Variants in TPM3 observed in about 807,000 individuals in gnomAD.
TPM3 encodes tropomyosin alpha-3 chain.
Under a neutral mutation model 43.1 loss-of-function variants are expected in TPM3, and 16 were observed. The ratio of observed to expected loss-of-function variants is 0.37; its 90% CI spans 0.25 to 0.56. TPM3 has a LOEUF of 0.56. TPM3 is among the 20% of genes least tolerant of loss of function. TPM3 has a pLI of 0.77. For missense variants in TPM3, 176 were observed against 337.2 expected (o/e 0.52, Z 3.74); for synonymous variants, 101 against 116.9 (o/e 0.86, Z 0.88).
Position 154,171,422 on chromosome 1 carries a change from C to A in TPM3, c.633G>T (p.Gln211His). The change falls in exon 6 of 10, where the codon CAG becomes CAT. Residue 211 changes from glutamine (Q) to histidine (H), a missense_variant. Physicochemically the swap from Gln to His is conservative, Grantham distance 24 (BLOSUM62 0). This residue lies in a region of TPM3 where 53 missense variants were observed against 98.3 expected (regional missense o/e 0.54). Coordinates refer to ENST00000651641, the MANE Select transcript of TPM3 (RefSeq NM_152263.4). Reference protein sequence around the residue: ...VTNNLKSLEAQAEKYSQKEDK... With the variant: ...VTNNLKSLEAHAEKYSQKEDK... The stretch of plus-strand genomic sequence containing the variant: ...ACAAACCAGCCCCTACCTTCTCCGC[C>A]TGAGCCTCAAGAGACTTGAGGTTGT... 2 of 1,614,154 alleles carry A rather than the reference C, an allele frequency of 1.2e-6. No homozygotes were observed. Among genetic ancestry groups the A allele is most frequent in the Non-Finnish European group, 1.7e-6 (2 of 1,179,998 alleles).
rs1660749751 is a variant in TPM3 at position 154,164,630 on chromosome 1, A to T, written c.*3307T>A. On this transcript the variant is annotated 3_prime_UTR_variant, in exon 10 of 10. Transcript: ENST00000651641. ...AAATTAACCTAACCCAATTTTTTCC[A>T]AAGTGTGGTGTATTCACTGCTATAG... is the stretch of plus-strand genomic sequence containing the variant. Among the ~76,000 whole-genome samples, 3 of 152,218 alleles carry T rather than the reference A, an allele frequency of 2.0e-5. No individual in the cohort carries two copies. The highest frequency in any genetic ancestry group is 7.2e-5 in the African/African-American group (3 of 41,458).
rs1193474271 is a variant in TPM3, at chr1:154,165,513, G to A, written c.*2424C>T. Among the ~76,000 whole-genome samples, 1 of 151,858 alleles carries A rather than the reference G, an allele frequency of 6.6e-6. No homozygotes were observed. The highest frequency in any genetic ancestry group is 1.5e-5 in the Non-Finnish European group (1 of 67,982). ...TATGCAAGTTTAACATGTTGGCTGG[G>A]CGCAGTGGCTCAAGCCTGTAATCCC... On this transcript the variant is annotated 3_prime_UTR_variant, in exon 10 of 10. Transcript: ENST00000651641.
downstream of TPM3, among the ~76,000 whole-genome samples, chr1:154,157,888 GC>G (rs1659970259): frequency 6.6e-6 from 1 of 152,170 alleles, no homozygotes; most frequent in South Asian, 2.1e-4. Flanking sequence ...AGGGCCTTTG[GC>G]TTGCCTACTG....
rs765923858 is a variant in TPM3, at chr1:154,191,285, C to T, written c.144G>A (p.Gln48=). ...KQLEDELAAM[Q]KKLKGTEDEL... is the part of the protein sequence containing the mutation. Reference sequence around the variant, plus strand: ...CATCCTCTGTCCCTTTCAGCTTCTTCTGCATGGCTGCCAGCTCATCCTCCA... The same window carrying T: ...CATCCTCTGTCCCTTTCAGCTTCTTTTGCATGGCTGCCAGCTCATCCTCCA... Residue 48 remains glutamine, a synonymous_variant, in exon 2 of 10, where the codon CAG becomes CAA. Transcript: ENST00000651641. 2.8e-5 allele frequency: 45 copies of T among 1,614,042 alleles called. No homozygotes were observed. The highest frequency in any genetic ancestry group is 3.3e-5 in the Admixed American group (2 of 60,002).
At chr1:154,191,497 A>G (rs1663679605) in intron 1 of TPM3, 186 bp from the exon 2 acceptor site, 5 of 1,311,470 alleles carry the variant, frequency 3.8e-6, no homozygotes, top group Non-Finnish European at 5.2e-6. Context: ...TGACCCTGTA[A>G]TCTCTGATCC....
intron 2 of TPM3, among the ~76,000 whole-genome samples, chr1:154,178,486 A>G (rs1362201579): frequency 6.6e-6 from 1 of 152,214 alleles, no homozygotes; most frequent in Non-Finnish European, 1.5e-5. Context: ...CTCCTAGCAC[A>G]GAGGATCAGT....
chr1:154,170,353 T>G, intron 8 of TPM3, 47 bp downstream of exon 8: 1 of 1,590,016 alleles, frequency 6.3e-7, no homozygotes. Context: ...TAATGGGCAG[T>G]CTTCCTCTAT....
chr1:154,157,271 G>A, downstream of TPM3: 2 of 411,940 alleles, frequency 4.9e-6, no homozygotes, highest in Non-Finnish European at 9.1e-6. Flanking sequence ...GTGAGAAAGG[G>A]ATTCGATTGC....
rs1193580687 is a variant in TPM3, at chr1:154,162,935, C to T, written c.*5002G>A. Reference sequence around the variant, plus strand: ...TTTTTTCTCTCCTGCCTCAGCCTCTCGAGTAGTTGGGACTACAGGCATGTG... The same window carrying T: ...TTTTTTCTCTCCTGCCTCAGCCTCTTGAGTAGTTGGGACTACAGGCATGTG... On this transcript the variant is annotated 3_prime_UTR_variant, in exon 10 of 10. Coordinates refer to ENST00000651641, the MANE Select transcript of TPM3 (RefSeq NM_152263.4). 6.6e-6 allele frequency among the ~76,000 whole-genome samples: 1 copy of T among 152,092 alleles called. No homozygotes were observed. The highest frequency in any genetic ancestry group is 1.5e-5 in the Non-Finnish European group (1 of 68,016).
At chr1:154,188,353 A>G (rs1356660244) in intron 2 of TPM3, among the ~76,000 whole-genome samples, 2 of 151,530 alleles carry the variant, frequency 1.3e-5, no homozygotes, top group Non-Finnish European at 2.9e-5. Context: ...GAGCCACCAC[A>G]CTGGGCACAA....
intron 5 of TPM3, chr1:154,172,088 C>T (rs1661636830): frequency 6.2e-7 from 1 of 1,614,076 alleles, no homozygotes; most frequent in Non-Finnish European, 8.5e-7. Context: ...ATCTGCTCAT[C>T]CATCTCTCGG....
intron 3 of TPM3, among the ~76,000 whole-genome samples, 161 bp downstream of exon 3, chr1:154,175,954 G>C (rs1662256395): frequency 6.6e-6 from 1 of 152,178 alleles, no homozygotes; most frequent in African/African-American, 2.4e-5. Context: ...TCCTGGGCTT[G>C]AGCCACCCTC....
intron 6 of TPM3, chr1:154,170,978 G>A (rs1571398463): frequency 3.7e-6 from 2 of 543,866 alleles, no homozygotes; most frequent in Non-Finnish European, 6.6e-6. Flanking sequence ...ACCCAAGGAG[G>A]TGTTTTTCCT....
At position 154,170,646 on chromosome 1, in the gene TPM3, C is replaced by T; in HGVS notation, c.705+3G>A. ...TTCTGCCCTATAAATCCCCTCAGCT[C>T]ACCTCCTTGAGTTTATCAGTAAGAA... On this transcript the variant is annotated splice_donor_region_variant and intron_variant, in intron 7 of 9. Transcript: ENST00000651641. 1 of 1,612,938 alleles carries T rather than the reference C, an allele frequency of 6.2e-7. No individual in the cohort carries two copies. Among genetic ancestry groups the T allele is most frequent in the Non-Finnish European group, 8.5e-7 (1 of 1,179,154 alleles).
chr1:154,160,529 C>T (rs1377247282), downstream of TPM3, among the ~76,000 whole-genome samples: 1 of 152,128 alleles, frequency 6.6e-6, no homozygotes, highest in Non-Finnish European at 1.5e-5. Context: ...TCAGGGTGAA[C>T]CTTTAACTTG....
chr1:154,157,204 T>C (rs1571347270), downstream of TPM3: 1 of 338,206 alleles, frequency 3.0e-6, no homozygotes, highest in East Asian at 5.1e-5. Flanking sequence ...CCTACACCTT[T>C]TCCTCTCCTC....
intron 5 of TPM3, 26 bp downstream of exon 5, chr1:154,172,882 C>T (rs751794230): frequency 2.5e-6 from 4 of 1,613,858 alleles, no homozygotes; most frequent in East Asian, 4.5e-5. Flanking sequence ...TTGGTAATGA[C>T]AAGATTTGGG....
chr1:154,158,918 A>G (rs1425701553), downstream of TPM3: 2 of 777,748 alleles, frequency 2.6e-6, no homozygotes, highest in Admixed American at 1.7e-5. Flanking sequence ...GGTCCAGGTC[A>G]GTGGTGTGAG....
downstream of TPM3, chr1:154,157,681 T>A (rs746168131): frequency 2.6e-6 from 2 of 780,658 alleles, no homozygotes; most frequent in Non-Finnish European, 4.8e-6. Flanking sequence ...CCAGCATCCT[T>A]TGTGTACAGA....
Sources: gnomAD v4.1 joint callset for allele counts (sites outside exome capture counted in the v4.1 genomes callset) on GRCh38, gnomAD v4.1.1 for gene constraint, gnomAD v4.1.1 regional missense constraint, MANE v1.5 for transcripts, NCBI Gene and HGNC (gene_info 2026-07-23, HGNC 2026-07-21) for gene names.